TAF4: variants seen among roughly 807,000 people sequenced by gnomAD.
TAF4 encodes the protein transcription initiation factor TFIID subunit 4.
A neutral mutation model predicts 90.3 loss-of-function variants in TAF4; 9 were observed. That is an observed-to-expected ratio of 0.10 (90% CI 0.06 to 0.17). The LOEUF is 0.17. Ranked by LOEUF, TAF4 falls within the 10% of genes least tolerant of loss-of-function variation. The probability of loss-of-function intolerance (pLI) is 1.00; values close to 1 mark genes in which losing one functional copy is unlikely to be tolerated. For missense variants in TAF4, 1,351 were observed against 1,370.7 expected, an observed-to-expected ratio of 0.99 and a Z score of 0.23; for synonymous variants, 818 against 638.9, an observed-to-expected ratio of 1.28 and a Z score of -4.23.
At chr20:61,982,065 A>C (rs2055546579) in intron 14 of TAF4, among the ~76,000 whole-genome samples, 2 of 94,562 alleles carry the variant, frequency 2.1e-5, no homozygotes, top group African/African-American at 4.0e-5. Flanking sequence ...CACCAAACCC[A>C]CACCCCACCC....
At position 62,000,694 on chromosome 20, in the gene TAF4, T is replaced by C; in HGVS notation, c.2514A>G (p.Ala838=). The change falls in exon 10 of 15, where the codon GCA becomes GCG. Residue 838 remains alanine, a synonymous_variant. Transcript: ENST00000252996. The part of the protein sequence containing the change: ...FRDDDDINDV[A]SMAGVNLSEE... Reference sequence around the variant, plus strand: ...CTGACAAGTTTACTCCAGCCATCGATGCAACATCATTAATGTCATCATCGT... The same window carrying C: ...CTGACAAGTTTACTCCAGCCATCGACGCAACATCATTAATGTCATCATCGT... The C allele has an allele frequency of 1.2e-6, 2 of 1,614,272 alleles. No individual in the cohort carries two copies. Among genetic ancestry groups the C allele is most frequent in the Non-Finnish European group, 1.7e-6 (2 of 1,180,052 alleles).
intron 1 of TAF4, among the ~76,000 whole-genome samples, chr20:62,024,260 C>G (rs977663783): frequency 6.6e-6 from 1 of 152,154 alleles, no homozygotes; most frequent in Non-Finnish European, 1.5e-5. Flanking sequence ...GACCGACACC[C>G]CATAGTGTGT....
intron 1 of TAF4, among the ~76,000 whole-genome samples, chr20:62,024,358 G>T (rs1158943551): frequency 6.6e-6 from 1 of 152,224 alleles, no homozygotes; most frequent in African/African-American, 2.4e-5. Flanking sequence ...CTGACCCAGG[G>T]TTAGGCAAAG....
intron 3 of TAF4, among the ~76,000 whole-genome samples, chr20:62,011,830 A>G (rs550989489): frequency 6.6e-6 from 1 of 152,310 alleles, no homozygotes; most frequent in East Asian, 1.9e-4. Flanking sequence ...AGCAGCGACC[A>G]ACACCATAGA....
At chr20:62,030,551 A>G (rs1424315442) in intron 1 of TAF4, among the ~76,000 whole-genome samples, 4 of 152,170 alleles carry the variant, frequency 2.6e-5, no homozygotes, top group African/African-American at 9.7e-5. Context: ...CTCGAAGCAC[A>G]TTTTCAATTA....
At chr20:62,027,845 G>T (rs143500418) in intron 1 of TAF4, among the ~76,000 whole-genome samples, 1 of 152,176 alleles carries the variant, frequency 6.6e-6, no homozygotes, top group Non-Finnish European at 1.5e-5. Flanking sequence ...CCATGCGCAC[G>T]GGGCAAAGAA....
intron 1 of TAF4, among the ~76,000 whole-genome samples, chr20:62,029,486 G>GCGCGCGCACA (rs148456376): frequency 3.4e-5 from 5 of 146,088 alleles, no homozygotes; most frequent in African/African-American, 1.3e-4. Flanking sequence ...GCGCGCGCGC[G>GCGCGCGCACA]CACACACACA....
intron 3 of TAF4, among the ~76,000 whole-genome samples, chr20:62,011,556 G>A (rs2055777707): frequency 6.6e-6 from 1 of 152,184 alleles, no homozygotes; most frequent in South Asian, 2.1e-4. Flanking sequence ...CTGCACCAAA[G>A]GCCAGCACAC....
At chr20:61,984,825 T>C (rs1440843549) in intron 14 of TAF4, among the ~76,000 whole-genome samples, 1 of 145,734 alleles carries the variant, frequency 6.9e-6, no homozygotes, top group Non-Finnish European at 1.5e-5. Context: ...TCTGTTTGCA[T>C]GGTGAGTAGA....
intron 14 of TAF4, chr20:61,980,388 T>G (rs1456970020): frequency 6.6e-6 from 1 of 152,222 alleles, no homozygotes; most frequent in Non-Finnish European, 1.5e-5. Flanking sequence ...CGTCCTTTAC[T>G]CCGCCACGGA....
In TAF4 at chr20:62,010,087, G is replaced by A. The variant is rs1238039146; in HGVS notation, c.1720C>T (p.Arg574Cys). ...ATAVQTGTPQ[R>C]TVPGATTTSS... Reference sequence around the variant, plus strand: ...GTGGTGGTCGCCCCTGGTACCGTGCGCTGAGGAGTCCCCGTCTGAACAGCC... The same window carrying A: ...GTGGTGGTCGCCCCTGGTACCGTGCACTGAGGAGTCCCCGTCTGAACAGCC... Residue 574 changes from arginine to cysteine, a missense_variant, in exon 4 of 15, where the codon CGC becomes TGC. Physicochemically the swap from Arg to Cys is radical, Grantham distance 180. Coordinates refer to ENST00000252996, the MANE Select transcript of TAF4 (RefSeq NM_003185.4). The surrounding 1 kb of genome is among the most constrained non-coding windows in gnomAD (Gnocchi z 4.5). 38 of 1,613,566 alleles carry A rather than the reference G, an allele frequency of 2.4e-5. No homozygotes were observed. The highest frequency in any genetic ancestry group is 3.1e-5 in the Non-Finnish European group (36 of 1,180,004).
intron 1 of TAF4, among the ~76,000 whole-genome samples, chr20:62,018,472 C>T (rs2055824910): frequency 1.3e-5 from 2 of 152,260 alleles, no homozygotes; most frequent in Non-Finnish European, 2.9e-5. Context: ...ACCGTGGTTA[C>T]GGGCGGCACC....
chr20:62,014,030 GTGTGTGT>G, intron 2 of TAF4, among the ~76,000 whole-genome samples: 1 of 144,176 alleles, frequency 6.9e-6, no homozygotes, highest in Middle Eastern at 3.4e-3. Context: ...GTGTGTGTGT[GTGTGTGT>G]GTGTGTGTAT....
intron 9 of TAF4, among the ~76,000 whole-genome samples, chr20:62,001,368 G>A (rs577368835): frequency 1.9e-4 from 29 of 152,230 alleles, no homozygotes; most frequent in Non-Finnish European, 3.8e-4. Context: ...AGGTTCCTCA[G>A]CCTCTCCTGA....
intron 14 of TAF4, among the ~76,000 whole-genome samples, chr20:61,996,227 A>G (rs1454593898): frequency 1.3e-5 from 2 of 152,024 alleles, no homozygotes; most frequent in Non-Finnish European, 2.9e-5. Flanking sequence ...AAAAGAAACT[A>G]CAAAATTAGC....
chr20:62,062,337 A>C (rs1321665581), intron 1 of TAF4, among the ~76,000 whole-genome samples: 1 of 152,238 alleles, frequency 6.6e-6, no homozygotes, highest in Non-Finnish European at 1.5e-5. Context: ...TCTGATTTAC[A>C]GAATTAAGTT....
rs372953295 is a variant in TAF4, at chr20:62,014,683, T to C, written c.1385A>G (p.Asn462Ser). Residue 462 changes from asparagine to serine, a missense_variant, in exon 2 of 15, where the codon AAT becomes AGT. This residue lies in a region of TAF4 where 143 missense variants were observed against 176.3 expected (regional missense o/e 0.81). Coordinates refer to ENST00000252996, the MANE Select transcript of TAF4 (RefSeq NM_003185.4). ...CTGAGGAATCATTAACAACTGCCCA[T>C]TCTCACTTCGGACGAGGACCATTCC... ...PPGMVLVRSE[N>S]GQLLMIPQQA... is the part of the protein sequence containing the mutation. The C allele has an allele frequency of 2.9e-5, 47 of 1,613,924 alleles. No individual in the cohort carries two copies. The highest frequency in any genetic ancestry group is 3.7e-5 in the Non-Finnish European group (44 of 1,179,960).
chr20:62,019,175 A>G (rs565552658), intron 1 of TAF4, among the ~76,000 whole-genome samples: 14 of 152,334 alleles, frequency 9.2e-5, no homozygotes, highest in African/African-American at 3.4e-4. Context: ...AGAAAGTTTA[A>G]TAAGTGCAGA....
intron 1 of TAF4, among the ~76,000 whole-genome samples, chr20:62,040,008 G>A (rs2055954802): frequency 6.6e-6 from 1 of 152,198 alleles, no homozygotes; most frequent in Admixed American, 6.5e-5. Context: ...TTTCCGCAAG[G>A]ATGTCAACCT....
Sources: allele counts gnomAD v4.1 joint callset (sites outside exome capture counted in the v4.1 genomes callset), GRCh38; gene constraint gnomAD v4.1.1; regional missense constraint gnomAD v4.1.1; non-coding constraint Gnocchi (gnomAD v3.1); transcripts MANE v1.5; gene names NCBI Gene and HGNC (gene_info 2026-07-23, HGNC 2026-07-21).